The following CREBBP variants were observed in gnomAD, a reference collection of about 807,000 sequenced individuals.
CREBBP encodes CREB-binding protein.
CREBBP carries 19 observed loss-of-function variants against 265.0 expected under a neutral mutation model. The observed-to-expected ratio is 0.07, with a 90% CI of 0.05 to 0.11. The LOEUF is 0.11. CREBBP is among the 10% of genes least tolerant of loss of function. The pLI is 1.00. For missense variants in CREBBP, 2,525 were observed against 3,219.0 expected (o/e 0.78, Z 5.22); for synonymous variants, 1,457 against 1,223.7 (o/e 1.19, Z -3.98).
At chr16:3,869,315 C>A (rs9932705) in intron 1 of CREBBP, among the ~76,000 whole-genome samples, 76 of 152,294 alleles carry the variant, frequency 5.0e-4, no homozygotes, top group African/African-American at 1.8e-3. Context: ...CCCACTGGAT[C>A]GCCAGGGCCT....
At chr16:3,871,150 C>A (rs1349271895) in intron 1 of CREBBP, among the ~76,000 whole-genome samples, 1 of 151,434 alleles carries the variant, frequency 6.6e-6, no homozygotes, top group Non-Finnish European at 1.5e-5. Context: ...TGGAATACTG[C>A]AGGGTAAAAA....
At chr16:3,816,351 T>C (rs546200044) in intron 2 of CREBBP, among the ~76,000 whole-genome samples, 19 of 152,304 alleles carry the variant, frequency 1.2e-4, no homozygotes, top group East Asian at 3.9e-4. Context: ...AAGAAAAATA[T>C]TGAAGCCAGA....
chr16:3,793,796 G>A (rs186080149), intron 3 of CREBBP, among the ~76,000 whole-genome samples, 170 bp from the exon 4 acceptor site: 24 of 151,914 alleles, frequency 1.6e-4, no homozygotes, highest in South Asian at 8.3e-4. Context: ...CAGCAGCACA[G>A]AAATCAACCC....
intron 2 of CREBBP, among the ~76,000 whole-genome samples, chr16:3,849,489 G>GTGTGTGTGTGTGTGTGTGT (rs2054779237): frequency 2.6e-5 from 3 of 115,040 alleles, no homozygotes; most frequent in African/African-American, 1.0e-4. Flanking sequence ...GTGTGTGTGT[G>GTGTGTGTGTGTGTGTGTGT]ATGTGCGTGA....
At chr16:3,733,831 G>A (rs925358188) in intron 28 of CREBBP, among the ~76,000 whole-genome samples, 9 of 151,874 alleles carry the variant, frequency 5.9e-5, no homozygotes, top group Non-Finnish European at 8.8e-5. Context: ...TAGTAGAGAC[G>A]GGGTTTCACC....
At chr16:3,744,355 C>T (rs747964415) in intron 23 of CREBBP, among the ~76,000 whole-genome samples, 9 of 152,306 alleles carry the variant, frequency 5.9e-5, no homozygotes, top group Non-Finnish European at 8.8e-5. Flanking sequence ...CATGCACGCA[C>T]GAGGGGTGAG....
In CREBBP at chr16:3,824,248, C is replaced by T. The variant is rs547272004; in HGVS notation, c.799-13469G>A. 2.6e-5 allele frequency among the ~76,000 whole-genome samples: 4 copies of T among 152,398 alleles called. No homozygotes were observed. In the South Asian group the frequency reaches 8.3e-4, roughly 32 times the overall value. Reference sequence around the variant, plus strand: ...AAGGCGAGCTAAATGGTAACAGACACAGTTGACCGAGGCTACGCCTCTGCA... The same window carrying T: ...AAGGCGAGCTAAATGGTAACAGACATAGTTGACCGAGGCTACGCCTCTGCA... On this transcript the variant is annotated intron_variant, in intron 2 of 30. Coordinates refer to ENST00000262367, the MANE Select transcript of CREBBP (RefSeq NM_004380.3).
intron 23 of CREBBP, chr16:3,742,772 C>A (rs1302419151): frequency 6.6e-6 from 1 of 152,084 alleles, no homozygotes; most frequent in Non-Finnish European, 1.5e-5. Flanking sequence ...CACGCTCACA[C>A]TGAGAGTAGA....
chr16:3,821,143 A>G (rs938404100), intron 2 of CREBBP, among the ~76,000 whole-genome samples: 6 of 152,244 alleles, frequency 3.9e-5, no homozygotes, highest in Non-Finnish European at 7.3e-5. Context: ...TCTATAAAAT[A>G]GGAAGCATTT....
chr16:3,832,798 A>C (rs2054368834), intron 2 of CREBBP, among the ~76,000 whole-genome samples: 1 of 152,214 alleles, frequency 6.6e-6, no homozygotes, highest in Non-Finnish European at 1.5e-5. Flanking sequence ...TGATCCAGTA[A>C]CATATAAAAA....
At chr16:3,801,043 A>T (rs1457439643) in intron 3 of CREBBP, among the ~76,000 whole-genome samples, 1 of 152,180 alleles carries the variant, frequency 6.6e-6, no homozygotes, top group Non-Finnish European at 1.5e-5. Context: ...CAGTTCATTG[A>T]AGACACACAC....
At chr16:3,775,341 T>C (rs2053111948) in intron 11 of CREBBP, among the ~76,000 whole-genome samples, 1 of 152,198 alleles carries the variant, frequency 6.6e-6, no homozygotes, top group African/African-American at 2.4e-5. Flanking sequence ...TGAAAGACAC[T>C]TCACAGCCAG....
intron 5 of CREBBP, among the ~76,000 whole-genome samples, chr16:3,783,506 A>G (rs1370824507): frequency 6.6e-6 from 1 of 152,252 alleles, no homozygotes; most frequent in East Asian, 1.9e-4. Flanking sequence ...GACAGCATGG[A>G]CATATCCTTC....
intron 2 of CREBBP, among the ~76,000 whole-genome samples, chr16:3,814,652 A>G (rs1034663795): frequency 6.6e-6 from 1 of 152,154 alleles, no homozygotes; most frequent in Non-Finnish European, 1.5e-5. Context: ...TGGCCATCAG[A>G]TAAGAGAGTG....
chr16:3,757,410 A>G, intron 18 of CREBBP, 34 bp from the exon 19 acceptor site: 1 of 1,496,656 alleles, frequency 6.7e-7, no homozygotes, highest in Non-Finnish European at 9.2e-7. Flanking sequence ...TTTTATATAA[A>G]AATACATTCC....
At chr16:3,874,051 G>A (rs902146416) in intron 1 of CREBBP, among the ~76,000 whole-genome samples, 47 of 152,282 alleles carry the variant, frequency 3.1e-4, no homozygotes, top group African/African-American at 1.1e-3. Flanking sequence ...AGGGGAGCAA[G>A]CCTAGAGCCT....
At chr16:3,768,518 T>A (rs757775065) in intron 15 of CREBBP, among the ~76,000 whole-genome samples, 1 of 152,168 alleles carries the variant, frequency 6.6e-6, no homozygotes, top group Non-Finnish European at 1.5e-5. Context: ...TACAGATATT[T>A]CTAATTTGGA....
At chr16:3,750,795 AT>A (rs2052455162) in intron 20 of CREBBP, among the ~76,000 whole-genome samples, 1 of 152,240 alleles carries the variant, frequency 6.6e-6, no homozygotes, top group Non-Finnish European at 1.5e-5. Context: ...ACTGGAATCC[AT>A]TAATCTGGAT....
At chr16:3,849,152 G>A (rs72760827) in intron 2 of CREBBP, among the ~76,000 whole-genome samples, 3,090 of 152,188 alleles carry the variant, frequency 0.02, 46 homozygotes, top group Middle Eastern at 0.037. Context: ...GGCTGCTGTT[G>A]AGAAGCCTCT....
Sources: allele counts gnomAD v4.1 joint callset (sites outside exome capture counted in the v4.1 genomes callset), GRCh38; gene constraint gnomAD v4.1.1; transcripts MANE v1.5; gene names NCBI Gene and HGNC (gene_info 2026-07-23, HGNC 2026-07-21).